The following GRK6 variants were observed in gnomAD, a reference collection of about 807,000 sequenced individuals.
GRK6 encodes the protein G protein-coupled receptor kinase 6.
Under a neutral mutation model 80.8 loss-of-function variants are expected in GRK6, and 37 were observed. The ratio of observed to expected loss-of-function variants is 0.46; its 90% confidence interval spans 0.35 to 0.60. The LOEUF (loss-of-function observed/expected upper bound fraction) is 0.60. GRK6 is among the 20% of genes least tolerant of loss of function. The probability of loss-of-function intolerance (pLI) is 0.00; values close to 1 mark genes in which losing one functional copy is unlikely to be tolerated. For synonymous variants in GRK6, 295 were observed against 320.9 expected, an observed-to-expected ratio of 0.92 and a Z score of 0.86; for missense variants, 560 against 784.6, an observed-to-expected ratio of 0.71 and a Z score of 3.42.
chr5:177,431,200 G>C (rs1763875345), intron 2 of GRK6, among the ~76,000 whole-genome samples: 1 of 152,232 alleles, frequency 6.6e-6, no homozygotes, highest in African/African-American at 2.4e-5. Flanking sequence ...TCGGGAATAG[G>C]GCAGGGGCAG....
rs768890277 is a variant in GRK6 at position 177,431,002 on chromosome 5, G to A, written c.148+35G>A. On this transcript the variant is annotated intron_variant, in intron 2 of 15. Transcript: ENST00000355472. ...GGGCAGAGACTGGGGGTGCTGAGGC[G>A]AGGGGCCCTGCTGGGGCCGGGGGAG... is the stretch of plus-strand genomic sequence containing the variant. 11 of 1,574,846 alleles carry A rather than the reference G, an allele frequency of 7.0e-6. No individual in the cohort carries two copies. In the East Asian group the frequency reaches 9.1e-5, roughly 13 times the overall value.
In GRK6 at chr5:177,432,795, G is replaced by A; in HGVS notation, c.429G>A (p.Gln143=). The A allele has an allele frequency of 1.2e-6, 2 of 1,611,608 alleles. No individual in the cohort carries two copies. Among genetic ancestry groups the A allele is most frequent in the South Asian group, 1.1e-5 (1 of 90,800 alleles). The part of the protein sequence containing the change: ...LEQGPCKDLF[Q]ELTRLTHEYL... ...AGGGTCCCTGCAAAGACCTTTTCCA[G>A]GAACTCACCCGGTAAGCCTGTCCCT... Residue 143 remains glutamine (Q), a synonymous_variant, in exon 5 of 16, where the codon CAG becomes CAA. Coordinates refer to ENST00000355472, the MANE Select transcript of GRK6 (RefSeq NM_001004106.3).
upstream of GRK6, among the ~76,000 whole-genome samples, chr5:177,426,035 T>C (rs1390581837): frequency 6.6e-6 from 1 of 152,180 alleles, no homozygotes; most frequent in African/African-American, 2.4e-5. Context: ...CTGCGGGGGC[T>C]GGGCGGGGCG....
rs948133983 is a variant in GRK6 at position 177,428,405 on chromosome 5, C to G, written c.52+1508C>G. 6.6e-6 allele frequency among the ~76,000 whole-genome samples: 1 copy of G among 152,236 alleles called. No individual in the cohort carries two copies. Among genetic ancestry groups the G allele is most frequent in the Non-Finnish European group, 1.5e-5 (1 of 68,038 alleles). ...TGGTACCTCCACTAGAGAACCCTTA[C>G]GACAACCTGGCTCTGCCCCTCCCAC... On this transcript the variant is annotated intron_variant, in intron 1 of 15. Transcript: ENST00000355472. The surrounding 1 kb of genome is among the most constrained non-coding windows in gnomAD (Gnocchi z 4.1).
In GRK6 at chr5:177,440,610, A is replaced by G. The variant is rs969399585; in HGVS notation, c.1405-90A>G. The G allele has an allele frequency of 2.7e-6, 4 of 1,507,670 alleles. No homozygotes were observed. In the African/African-American group the frequency reaches 4.1e-5, roughly 15 times the overall value. 93.4% of individuals were successfully genotyped at this position (1,507,670 alleles called of 1,614,324 possible). A position where few individuals can be genotyped will look rare whatever the true frequency, so the allele number is the denominator to read the frequency against. On this transcript the variant is annotated intron_variant, in intron 13 of 15. Coordinates refer to ENST00000355472, the MANE Select transcript of GRK6 (RefSeq NM_001004106.3). ...AGAGCTGCTGGTGTCAGGCAGCACT[A>G]GGCCAAGACCCGAGGCAGAATCAGG... is the stretch of plus-strand genomic sequence containing the variant.
intron 13 of GRK6, among the ~76,000 whole-genome samples, chr5:177,438,337 A>G (rs953822513): frequency 6.6e-6 from 1 of 152,166 alleles, no homozygotes; most frequent in Non-Finnish European, 1.5e-5. Flanking sequence ...ATTGCACTCC[A>G]GCCTGGGCAA....
intron 1 of GRK6, among the ~76,000 whole-genome samples, chr5:177,430,316 C>G (rs1273093857): frequency 6.6e-6 from 1 of 152,236 alleles, no homozygotes; most frequent in African/African-American, 2.4e-5. Flanking sequence ...TCAAGCAAGA[C>G]AGGCAGGGGA....
intron 2 of GRK6, 96 bp from the exon 3 acceptor site, chr5:177,431,899 A>C (rs1561653295): frequency 2.9e-6 from 3 of 1,027,174 alleles, no homozygotes; most frequent in Non-Finnish European, 4.6e-6. Flanking sequence ...CAGAGCTGGA[A>C]GCTGTTGTGG....
rs1474791621 is a variant in GRK6, at chr5:177,442,023, G to A, written c.*233G>A. ...CCTTCAGCTCTTCTCCGTGGAGCTC[G>A]GGGCTTTCTGTATTTATGTATTTGT... On this transcript the variant is annotated 3_prime_UTR_variant, in exon 16 of 16. Coordinates refer to ENST00000355472, the MANE Select transcript of GRK6 (RefSeq NM_001004106.3). 7 of 567,924 alleles carry A rather than the reference G, an allele frequency of 1.2e-5. No individual in the cohort carries two copies. Among genetic ancestry groups the A allele is most frequent in the Admixed American group, 6.7e-5 (2 of 29,980 alleles). 35.2% of individuals were successfully genotyped at this position (567,924 alleles called of 1,614,324 possible). A position where few individuals can be genotyped will look rare whatever the true frequency, so the allele number is the denominator to read the frequency against.
chr5:177,434,922 T>A lies in GRK6; in HGVS notation c.950T>A (p.Ile317Asn). ...CACAGGGACCTGAAGCCCGAGAACA[T>A]CTTGCTGGATGACCACGGTGTGTAA... ...IVYRDLKPEN[I>N]LLDDHGHIRI... The change falls in exon 10 of 16, where the codon ATC becomes AAC. Residue 317 changes from isoleucine to asparagine, a missense_variant. Physicochemically the swap from Ile to Asn is moderately radical, Grantham distance 149. Around this residue, in one of 3 missense-constraint regions of GRK6, gnomAD observed 294 missense variants for 397.4 expected, o/e 0.74. Coordinates refer to ENST00000355472, the MANE Select transcript of GRK6 (RefSeq NM_001004106.3). The A allele has an allele frequency of 1.9e-6, 3 of 1,613,480 alleles. No homozygotes were observed. The highest frequency in any genetic ancestry group is 2.5e-6 in the Non-Finnish European group (3 of 1,179,798).
rs200510977 is a variant in GRK6 at position 177,440,998 on chromosome 5, G to T, written c.1622G>T (p.Gly541Val). The change falls in exon 15 of 16, where the codon GGC (glycine) becomes GTC (valine). Residue 541 changes from glycine to valine, a missense_variant. Gly to Val is a moderately radical substitution (Grantham distance 109). Transcript: ENST00000355472. ...GTTCCCCCAGACCTGGACTGGAAGG[G>T]CCAGCCACCTGCACCTCCTAAAAAG... The part of the protein sequence containing the change: ...GSVPPDLDWK[G>V]QPPAPPKKGL... 14 of 1,614,038 alleles carry T rather than the reference G, an allele frequency of 8.7e-6. No homozygotes were observed. In the East Asian group the frequency reaches 3.1e-4, roughly 36 times the overall value.
intron 2 of GRK6, chr5:177,431,712 T>G (rs903511717): frequency 2.1e-6 from 1 of 478,718 alleles, no homozygotes; most frequent in African/African-American, 2.0e-5. Context: ...ACGCAAGTCG[T>G]GTAAATCAGG....
rs1442674823 is a variant in GRK6, at chr5:177,436,326, T to G, written c.1266+45T>G. ...CCTGGCCAGCCAGGGCTGGGGTGGA[T>G]GCACCTTTCCCTCCCTCCCACCCAC... On this transcript the variant is annotated intron_variant, in intron 12 of 15. Coordinates refer to ENST00000355472, the MANE Select transcript of GRK6 (RefSeq NM_001004106.3). The G allele has an allele frequency of 1.9e-6, 3 of 1,609,012 alleles. No individual in the cohort carries two copies. In the African/African-American group the frequency reaches 4.0e-5, roughly 22 times the overall value.
rs1028888272 is a variant in GRK6 at position 177,434,305 on chromosome 5, G to C, written c.929+201G>C. On this transcript the variant is annotated intron_variant, in intron 9 of 15. Transcript: ENST00000355472. ...AGGCTTTGGGCTCTGCTGGACCCAC[G>C]GGGTATCCTGACTTTGTCACCCCTC... is the stretch of plus-strand genomic sequence containing the variant. Among the ~76,000 whole-genome samples the C allele has an allele frequency of 2.0e-5, 3 of 152,250 alleles. No homozygotes were observed. The South Asian group carries it at 6.2e-4, about 32-fold the overall frequency.
At chr5:177,430,565 G>A (rs1226218496) in intron 1 of GRK6, 19 of 384,372 alleles carry the variant, frequency 4.9e-5, no homozygotes, top group East Asian at 5.4e-5. Flanking sequence ...TCTTCACCGG[G>A]GGAACTCCTA....
In GRK6 at chr5:177,433,948, C is replaced by T. The variant is rs865781391; in HGVS notation, c.773C>T (p.Ala258Val). 23 of 1,603,896 alleles carry T rather than the reference C, an allele frequency of 1.4e-5. No homozygotes were observed. The highest frequency in any genetic ancestry group is 1.5e-5 in the Non-Finnish European group (18 of 1,174,158). The stretch of plus-strand genomic sequence containing the variant: ...GCCTACGCCTATGAGACCAAGGACG[C>T]GCTGTGCCTGGTGCTGACACTGATG... ...SLAYAYETKD[A>V]LCLVLTLMNG... is the part of the protein sequence containing the mutation. Residue 258 changes from alanine (A) to valine (V), a missense_variant, in exon 9 of 16, where the codon GCG (alanine) becomes GTG (valine). Ala to Val is a moderately conservative substitution (Grantham distance 64, BLOSUM62 0). Around this residue, in one of 3 missense-constraint regions of GRK6, gnomAD observed 77 missense variants for 156.9 expected, o/e 0.49. Coordinates refer to ENST00000355472, the MANE Select transcript of GRK6 (RefSeq NM_001004106.3).
rs753007441 is a variant in GRK6, at chr5:177,433,688, A to G, written c.738+12A>G. 2.5e-6 allele frequency: 4 copies of G among 1,613,794 alleles called. No homozygotes were observed. In the Admixed American group the frequency reaches 6.7e-5, roughly 27 times the overall value. The stretch of plus-strand genomic sequence containing the variant: ...ACAGTAGGTTTGTAGTAAGTACAGA[A>G]GGAGACTCTCCCTTCCCCTTGGCCA... On this transcript the variant is annotated intron_variant, in intron 8 of 15. Coordinates refer to ENST00000355472, the MANE Select transcript of GRK6 (RefSeq NM_001004106.3).
rs1481803174 is a variant in GRK6 at position 177,428,871 on chromosome 5, A to G, written c.52+1974A>G. On this transcript the variant is annotated intron_variant, in intron 1 of 15. Coordinates refer to ENST00000355472, the MANE Select transcript of GRK6 (RefSeq NM_001004106.3). The surrounding 1 kb of genome is among the most constrained non-coding windows in gnomAD (Gnocchi z 4.1). ...GGACGGGCTGCATCAGAACCACCTC[A>G]TGAACTGGCTTTTCATGAGCTTGAG... 6.6e-6 allele frequency among the ~76,000 whole-genome samples: 1 copy of G among 152,112 alleles called. No homozygotes were observed. The highest frequency in any genetic ancestry group is 1.5e-5 in the Non-Finnish European group (1 of 68,018).
intron 4 of GRK6, among the ~76,000 whole-genome samples, 197 bp from the exon 5 acceptor site, chr5:177,432,509 A>G (rs528702481): frequency 6.6e-6 from 1 of 152,346 alleles, no homozygotes; most frequent in South Asian, 2.1e-4. Context: ...GGCTTGGGCC[A>G]GGCGGCCTCC....
Sources: gnomAD v4.1 joint callset for allele counts (sites outside exome capture counted in the v4.1 genomes callset) on GRCh38, gnomAD v4.1.1 for gene constraint, gnomAD v4.1.1 regional missense constraint, Gnocchi (gnomAD v3.1) non-coding constraint, MANE v1.5 for transcripts, NCBI Gene and HGNC (gene_info 2026-07-23, HGNC 2026-07-21) for gene names.